The following C1QTNF1 variants were observed in gnomAD, a reference collection of about 807,000 sequenced individuals.
C1QTNF1 encodes the protein complement C1q tumor necrosis factor-related protein 1.
Under a neutral mutation model 27.8 loss-of-function variants are expected in C1QTNF1, and 22 were observed. The observed-to-expected ratio is 0.79, with a 90% CI of 0.56 to 1.13. The LOEUF (loss-of-function observed/expected upper bound fraction) is 1.13. C1QTNF1 is among the 50% of genes most tolerant of loss of function. C1QTNF1 has a pLI of 0.00. For missense variants in C1QTNF1, 373 were observed against 380.2 expected (o/e 0.98, Z 0.16); for synonymous variants, 166 against 154.3 (o/e 1.08, Z -0.56).
intron 1 of C1QTNF1, chr17:79,043,413 G>A: frequency 2.2e-6 from 1 of 452,812 alleles, no homozygotes; most frequent in Non-Finnish European, 4.4e-6. Flanking sequence ...GAGTGTGAGT[G>A]TATGTGTGTT....
chr17:79,037,424 C>T (rs893730110), intron 1 of C1QTNF1, among the ~76,000 whole-genome samples: 8 of 152,070 alleles, frequency 5.3e-5, no homozygotes, highest in Non-Finnish European at 7.3e-5. Flanking sequence ...CCACTGTGCC[C>T]GGCCAATTTT....
At chr17:79,039,005 G>A (rs2072332033) in intron 1 of C1QTNF1, among the ~76,000 whole-genome samples, 1 of 152,204 alleles carries the variant, frequency 6.6e-6, no homozygotes, top group Non-Finnish European at 1.5e-5. Flanking sequence ...ACCAGCCTGA[G>A]CCTGGGGCTC....
At chr17:79,047,030 T>G in intron 3 of C1QTNF1, 1 of 316,602 alleles carries the variant, frequency 3.2e-6, no homozygotes, top group Non-Finnish European at 5.8e-6. Flanking sequence ...CCAGCCTGCT[T>G]TCTGAAATGC....
intron 1 of C1QTNF1, among the ~76,000 whole-genome samples, chr17:79,036,360 A>G (rs57732242): frequency 0.15 from 23,172 of 151,964 alleles, 2,523 homozygotes; most frequent in African/African-American, 0.3. Flanking sequence ...TTTTTTGTAG[A>G]GATGGGGTCT....
In C1QTNF1 at chr17:79,046,497, A is replaced by T. The variant is rs2072576342; in HGVS notation, c.156-58A>T. ...GCCAGAACCACTGGCAGCAGGAGAG[A>T]GCAGCGTTTCCAGGCCTGAGAGTGG... On this transcript the variant is annotated intron_variant, in intron 2 of 3. Transcript: ENST00000579760. The surrounding 1 kb of genome is among the most constrained non-coding windows in gnomAD (Gnocchi z 4.8). 2 of 1,607,750 alleles carry T rather than the reference A, an allele frequency of 1.2e-6. No individual in the cohort carries two copies. Among genetic ancestry groups the T allele is most frequent in the African/African-American group, 1.3e-5 (1 of 74,816 alleles).
intron 1 of C1QTNF1, chr17:79,034,504 A>G (rs2072219414): frequency 6.6e-6 from 1 of 152,246 alleles, no homozygotes. Context: ...CTGGGCAAAA[A>G]TTTACACTGA....
intron 1 of C1QTNF1, chr17:79,043,647 T>C (rs1019875108): frequency 1.8e-5 from 9 of 511,296 alleles, no homozygotes; most frequent in African/African-American, 5.9e-5. Context: ...TGTGAGTGTA[T>C]GTGACTGTGT....
At chr17:79,031,294 C>G (rs772734882) in intron 1 of C1QTNF1, among the ~76,000 whole-genome samples, 6 of 150,186 alleles carry the variant, frequency 4.0e-5, no homozygotes, top group African/African-American at 1.5e-4. Flanking sequence ...CGTGAGCCAC[C>G]GTGCCCAGCC....
chr17:79,031,045 G>A (rs1455335673), intron 1 of C1QTNF1, among the ~76,000 whole-genome samples: 41 of 141,928 alleles, frequency 2.9e-4, no homozygotes, highest in Middle Eastern at 3.8e-3. Flanking sequence ...TTGCACTGTC[G>A]CCCAGGCTGG....
In C1QTNF1 at chr17:79,048,025, C is replaced by T. The variant is rs56302593; in HGVS notation, c.783C>T (p.Ser261=). ...GCGAACGTGAGAACGCCATCTTCAG[C>T]GAGGAGCTGGACACCTACATCACCT... ...YKGERENAIF[S]EELDTYITFS... Residue 261 remains serine (S), a synonymous_variant, in exon 4 of 4, where the codon AGC becomes AGT. Coordinates refer to ENST00000579760, the MANE Select transcript of C1QTNF1 (RefSeq NM_030968.5). The T allele has an allele frequency of 5.0e-6, 8 of 1,604,068 alleles. No homozygotes were observed. Among genetic ancestry groups the T allele is most frequent in the African/African-American group, 2.7e-5 (2 of 74,808 alleles).
intron 3 of C1QTNF1, chr17:79,047,204 G>C: frequency 3.3e-6 from 1 of 298,878 alleles, no homozygotes; most frequent in Non-Finnish European, 6.1e-6. Flanking sequence ...GCTTTTGGAC[G>C]AACCCGTATG....
intron 1 of C1QTNF1, among the ~76,000 whole-genome samples, chr17:79,030,405 T>G (rs2072091861): frequency 6.6e-6 from 1 of 152,158 alleles, no homozygotes; most frequent in Middle Eastern, 3.4e-3. Flanking sequence ...TCATTCTGCA[T>G]TTTCAAAACT....
intron 1 of C1QTNF1, among the ~76,000 whole-genome samples, chr17:79,041,403 G>C (rs746709440): frequency 5.1e-4 from 78 of 152,328 alleles, no homozygotes; most frequent in Non-Finnish European, 9.8e-4. Context: ...GCTCTATCGG[G>C]AGAGCCCTGG....
intron 1 of C1QTNF1, chr17:79,025,729 T>C: frequency 4.8e-6 from 1 of 209,944 alleles, no homozygotes; most frequent in Non-Finnish European, 1.0e-5. Context: ...AGGAGGCCTC[T>C]CCAGCACCTG....
chr17:79,026,227 C>T (rs910200767), intron 1 of C1QTNF1, among the ~76,000 whole-genome samples: 17 of 152,008 alleles, frequency 1.1e-4, no homozygotes, highest in African/African-American at 3.6e-4. Flanking sequence ...CAAATCTCGG[C>T]TCACTGCAAC....
chr17:79,046,422 C>A lies in C1QTNF1; in HGVS notation c.156-133C>A. ...TGGGCCGTGAGCCCACCAGCGTGAA[C>A]ACAGAGCCTTGTGGGTCCAGGTGAG... On this transcript the variant is annotated intron_variant, in intron 2 of 3. Transcript: ENST00000579760. This position sits in a 1 kb window ranked among gnomAD's most constrained non-coding sequence, Gnocchi z 4.8. The A allele has an allele frequency of 7.8e-7, 1 of 1,277,510 alleles. No individual in the cohort carries two copies. The allele number at this position is 1,277,510 out of a possible 1,614,324, so 79.1% of individuals were successfully genotyped here.
At chr17:79,033,390 G>T (rs1393265108) in intron 1 of C1QTNF1, among the ~76,000 whole-genome samples, 1 of 152,194 alleles carries the variant, frequency 6.6e-6, no homozygotes. Context: ...GGCATTGTCA[G>T]CTGAAGATGT....
intron 1 of C1QTNF1, among the ~76,000 whole-genome samples, chr17:79,029,324 C>A (rs941976366): frequency 4.6e-5 from 7 of 152,204 alleles, no homozygotes; most frequent in African/African-American, 1.4e-4. Flanking sequence ...ATGTGCTTTG[C>A]TGTCGGACAC....
chr17:79,035,176 C>A (rs529721299), intron 1 of C1QTNF1, among the ~76,000 whole-genome samples: 71 of 152,304 alleles, frequency 4.7e-4, no homozygotes, highest in African/African-American at 1.7e-3. Context: ...GACACCCCAA[C>A]GTGGCACCTT....
Sources: allele counts gnomAD v4.1 joint callset (sites outside exome capture counted in the v4.1 genomes callset), GRCh38; gene constraint gnomAD v4.1.1; non-coding constraint Gnocchi (gnomAD v3.1); transcripts MANE v1.5; gene names NCBI Gene and HGNC (gene_info 2026-07-23, HGNC 2026-07-21).